GUCY1A2: variants seen among roughly 807,000 people sequenced by gnomAD.
GUCY1A2 encodes guanylate cyclase soluble subunit alpha-2.
In GUCY1A2, 27 loss-of-function variants were observed where a neutral mutation model predicts 63.5. That is an observed-to-expected ratio of 0.43 (90% CI 0.31 to 0.59). GUCY1A2 has a LOEUF of 0.59. GUCY1A2 is among the 20% of genes least tolerant of loss of function. The probability of loss-of-function intolerance (pLI) is 0.11; values close to 1 mark genes in which losing one functional copy is unlikely to be tolerated. For missense variants in GUCY1A2, 768 were observed against 913.3 expected (o/e 0.84, Z 2.05); for synonymous variants, 364 against 343.5 (o/e 1.06, Z -0.66).
intron 4 of GUCY1A2, among the ~76,000 whole-genome samples, chr11:106,815,700 T>A (rs947877262): frequency 1.3e-5 from 2 of 151,936 alleles, no homozygotes; most frequent in Non-Finnish European, 2.9e-5. Flanking sequence ...AATATGATAA[T>A]ATTATACATT....
intron 4 of GUCY1A2, chr11:106,827,055 G>A (rs978184613): frequency 1.6e-4 from 251 of 1,564,930 alleles, no homozygotes; most frequent in Admixed American, 2.7e-4. Flanking sequence ...TTGGAAAAGT[G>A]AAGGACTTTT....
chr11:106,847,231 CAAA>C (rs57752458), intron 4 of GUCY1A2, among the ~76,000 whole-genome samples: 1 of 141,450 alleles, frequency 7.1e-6, no homozygotes, highest in African/African-American at 2.6e-5. Context: ...TTGCAAAACT[CAAA>C]AAAAAAAATA....
intron 5 of GUCY1A2, among the ~76,000 whole-genome samples, chr11:106,779,863 A>G (rs1297197350): frequency 2.6e-5 from 4 of 152,242 alleles, no homozygotes; most frequent in African/African-American, 4.8e-5. Context: ...TGACAAATTC[A>G]TATTACAATC....
At chr11:106,840,286 AAAT>A (rs1160112309) in intron 4 of GUCY1A2, among the ~76,000 whole-genome samples, 1 of 151,946 alleles carries the variant, frequency 6.6e-6, no homozygotes, top group Non-Finnish European at 1.5e-5. Flanking sequence ...ATACTTGGAA[AAAT>A]AATAACATGG....
chr11:106,885,272 T>C (rs1194135240), intron 4 of GUCY1A2, among the ~76,000 whole-genome samples: 1 of 152,170 alleles, frequency 6.6e-6, no homozygotes, highest in Non-Finnish European at 1.5e-5. Flanking sequence ...AATTAACTTG[T>C]AGACAACTTT....
At position 106,882,206 on chromosome 11, in the gene GUCY1A2, G is replaced by A. The variant is rs184777087; in HGVS notation, c.1206+57254C>T. 2.6e-3 allele frequency among the ~76,000 whole-genome samples: 395 copies of A among 152,018 alleles called. 1 individual carries two copies. Among genetic ancestry groups the A allele is most frequent in the Middle Eastern group, 6.8e-3 (2 of 294 alleles). ...AACATCTGGAGATGGGAGGTTTATA[G>A]ATGCATCACCATTATCTAAGTGGCC... On this transcript the variant is annotated intron_variant, in intron 4 of 7. Coordinates refer to ENST00000526355, the MANE Select transcript of GUCY1A2 (RefSeq NM_000855.3).
intron 6 of GUCY1A2, among the ~76,000 whole-genome samples, chr11:106,741,564 C>A (rs1368098052): frequency 6.6e-6 from 1 of 152,064 alleles, no homozygotes; most frequent in Non-Finnish European, 1.5e-5. Flanking sequence ...ACATTAGACA[C>A]CAATAAATTA....
At chr11:106,721,218 C>A (rs1009027526) in intron 6 of GUCY1A2, among the ~76,000 whole-genome samples, 2 of 151,980 alleles carry the variant, frequency 1.3e-5, no homozygotes, top group African/African-American at 4.8e-5. Flanking sequence ...GCCACCATGC[C>A]CGGCTAATTT....
At chr11:106,697,178 G>A (rs931297710) in intron 7 of GUCY1A2, among the ~76,000 whole-genome samples, 9 of 152,180 alleles carry the variant, frequency 5.9e-5, no homozygotes, top group Non-Finnish European at 1.2e-4. Context: ...ACACTGTCAT[G>A]TTGGCTAATA....
chr11:106,886,316 C>T (rs1859899807), intron 4 of GUCY1A2, among the ~76,000 whole-genome samples: 1 of 152,110 alleles, frequency 6.6e-6, no homozygotes, highest in South Asian at 2.1e-4. Context: ...CTCAAGCAGA[C>T]ATCCTGGGCA....
rs1858969992 is a variant in GUCY1A2, at chr11:106,826,296, G to A, written c.1207-15818C>T. The stretch of plus-strand genomic sequence containing the variant: ...TTATCACTTCTGTAATTTTCAGTGT[G>A]GTCATCATTAACTCAATACAGTCAT... On this transcript the variant is annotated intron_variant, in intron 4 of 7. Coordinates refer to ENST00000526355, the MANE Select transcript of GUCY1A2 (RefSeq NM_000855.3). 4.5e-6 allele frequency: 4 copies of A among 881,812 alleles called. No homozygotes were observed. The African/African-American group carries it at 6.8e-5, about 15-fold the overall frequency. 54.6% of individuals were successfully genotyped at this position (881,812 alleles called of 1,614,324 possible).
chr11:106,907,814 A>C (rs1860234407), intron 4 of GUCY1A2, among the ~76,000 whole-genome samples: 1 of 152,088 alleles, frequency 6.6e-6, no homozygotes, highest in South Asian at 2.1e-4. Flanking sequence ...ATTGTTGGAC[A>C]TTTGGGTTGG....
rs1230399366 is a variant in GUCY1A2 at position 106,710,204 on chromosome 11, A to G, written c.1837-1538T>C. 4.2e-5 allele frequency among the ~76,000 whole-genome samples: 3 copies of G among 71,704 alleles called. 1 individual carries two copies. The highest frequency in any genetic ancestry group is 7.2e-5 in the Non-Finnish European group (3 of 41,384). 47.0% of individuals were successfully genotyped at this position (71,704 alleles called of 152,430 possible). A position where few individuals can be genotyped will look rare whatever the true frequency, so the allele number is the denominator to read the frequency against. On this transcript the variant is annotated intron_variant, in intron 6 of 7. Coordinates refer to ENST00000526355, the MANE Select transcript of GUCY1A2 (RefSeq NM_000855.3). ...TTATATATATAATATATAGTTATAT[A>G]TTATATACATGTATATAATATAGTT...
At chr11:106,724,537 G>A (rs961461041) in intron 6 of GUCY1A2, among the ~76,000 whole-genome samples, 1 of 152,142 alleles carries the variant, frequency 6.6e-6, no homozygotes, top group Non-Finnish European at 1.5e-5. Context: ...GCTCTTGAGT[G>A]CTTATTCCAA....
chr11:106,681,562 A>T lies in GUCY1A2; in HGVS notation c.*5987T>A. 4.5e-6 allele frequency: 1 copy of T among 222,678 alleles called. No homozygotes were observed. The highest frequency in any genetic ancestry group is 9.0e-6 in the Non-Finnish European group (1 of 111,374). 13.8% of individuals were successfully genotyped at this position (222,678 alleles called of 1,614,324 possible). ...CACCAGAAATAATCTGATGTATATT[A>T]ATCACTTTACAGCATGTTTGCAAAT... On this transcript the variant is annotated 3_prime_UTR_variant, in exon 8 of 8. Coordinates refer to ENST00000526355, the MANE Select transcript of GUCY1A2 (RefSeq NM_000855.3).
chr11:106,733,554 A>C (rs1217183422), intron 6 of GUCY1A2, among the ~76,000 whole-genome samples: 1 of 152,162 alleles, frequency 6.6e-6, no homozygotes, highest in East Asian at 1.9e-4. Flanking sequence ...TTTTATTAAA[A>C]TGCGATGAAA....
At chr11:106,741,150 C>G (rs1863688009) in intron 6 of GUCY1A2, among the ~76,000 whole-genome samples, 1 of 152,156 alleles carries the variant, frequency 6.6e-6, no homozygotes, top group African/African-American at 2.4e-5. Flanking sequence ...ACAAAAAAGT[C>G]CAACTAATTA....
At chr11:106,949,400 T>C (rs1045104973) in intron 3 of GUCY1A2, among the ~76,000 whole-genome samples, 27 of 152,308 alleles carry the variant, frequency 1.8e-4, no homozygotes, top group African/African-American at 6.3e-4. Context: ...ACAATCTCTC[T>C]CTCATTTACA....
At chr11:106,738,779 G>C (rs1429682174) in intron 6 of GUCY1A2, among the ~76,000 whole-genome samples, 1 of 152,120 alleles carries the variant, frequency 6.6e-6, no homozygotes, top group East Asian at 1.9e-4. Flanking sequence ...GTACCATGCT[G>C]TTTTGGTTAC....
Sources: allele counts gnomAD v4.1 joint callset (sites outside exome capture counted in the v4.1 genomes callset), GRCh38; gene constraint gnomAD v4.1.1; transcripts MANE v1.5; gene names NCBI Gene and HGNC (gene_info 2026-07-23, HGNC 2026-07-21).